EXOSC8: variants seen among roughly 807,000 people sequenced by gnomAD.
EXOSC8 encodes exosome complex component RRP43.
A neutral mutation model predicts 39.9 loss-of-function variants in EXOSC8; 37 were observed. That is an observed-to-expected ratio of 0.93 (90% CI 0.71 to 1.22). The LOEUF is 1.22. Among genes scored for constraint, EXOSC8 ranks in the 50% most tolerant of loss-of-function variants. The probability of loss-of-function intolerance (pLI) is 0.00; values close to 1 mark genes in which losing one functional copy is unlikely to be tolerated. For synonymous variants in EXOSC8, 93 were observed against 109.5 expected (o/e 0.85, Z 0.94); for missense variants, 313 against 326.6 (o/e 0.96, Z 0.32).
chr13:37,009,560 C>T lies in EXOSC8; in HGVS notation c.*261C>T, dbSNP rs918297140. The T allele has an allele frequency of 5.6e-6, 7 of 1,249,846 alleles. No individual in the cohort carries two copies. The highest frequency in any genetic ancestry group is 3.0e-5 in the African/African-American group (2 of 67,128). 77.4% of individuals were successfully genotyped at this position (1,249,846 alleles called of 1,614,324 possible). A position where few individuals can be genotyped will look rare whatever the true frequency, so the allele number is the denominator to read the frequency against. On this transcript the variant is annotated 3_prime_UTR_variant, in exon 11 of 11. Coordinates refer to ENST00000389704, the MANE Select transcript of EXOSC8 (RefSeq NM_181503.3). ...GTTGTGCTTCTGTATAAAGTTTGTA[C>T]ATCTAGCAATGTAAAATACTGACAC...
Position 37,005,989 on chromosome 13 carries a change from A to G in EXOSC8, c.308A>G (p.Gln103Arg). 1.2e-6 allele frequency: 2 copies of G among 1,611,978 alleles called. No individual in the cohort carries two copies. Among genetic ancestry groups the G allele is most frequent in the South Asian group, 1.1e-5 (1 of 91,008 alleles). ...TCTGGACCTCCTGGAGAAGAGGCCC[A>G]AGTGGCTAGCCAGTTCATTGCAGAT... ...FRSGPPGEEAQVASQFIADVI... is the reference protein window; with the variant it reads ...FRSGPPGEEARVASQFIADVI... Residue 103 changes from glutamine to arginine, a missense_variant, in exon 6 of 11, where the codon CAA becomes CGA. Gln to Arg is a conservative substitution (Grantham distance 43, BLOSUM62 1). Transcript: ENST00000389704.
At position 37,008,100 on chromosome 13, in the gene EXOSC8, A is replaced by G. The variant is rs762463961; in HGVS notation, c.531A>G (p.Ala177=). 9 of 1,597,094 alleles carry G rather than the reference A, an allele frequency of 5.6e-6. No homozygotes were observed. In the African/African-American group the frequency reaches 1.2e-4, roughly 22 times the overall value. Residue 177 remains alanine (A), a synonymous_variant, in exon 9 of 11, where the codon GCA becomes GCG. Coordinates refer to ENST00000389704, the MANE Select transcript of EXOSC8 (RefSeq NM_181503.3). The stretch of plus-strand genomic sequence containing the variant: ...CTATAAATGAAGAAACTGCTTTAGC[A>G]GAAGTTAATTTAAAGAAGAAAAGTT... ...EVTINEETAL[A]EVNLKKKSYL... is the part of the protein sequence containing the mutation.
Position 37,009,238 on chromosome 13 carries a change from C to T in EXOSC8, c.770C>T (p.Thr257Ile), listed in dbSNP as rs1426839436. The T allele has an allele frequency of 1.2e-6, 2 of 1,613,534 alleles. No individual in the cohort carries two copies. Among genetic ancestry groups the T allele is most frequent in the East Asian group, 2.2e-5 (1 of 44,844 alleles). ...CAGGACTGTATGAGCCGAGCAGTTA[C>T]AAGACACAAAGAAGTTAAAAAACTG... ...KLQDCMSRAV[T>I]RHKEVKKLMD... Residue 257 changes from threonine to isoleucine, a missense_variant, in exon 11 of 11, where the codon ACA becomes ATA. By Grantham distance (89) the Thr-to-Ile change is moderately conservative (BLOSUM62 -1). Transcript: ENST00000389704.
intron 8 of EXOSC8, among the ~76,000 whole-genome samples, chr13:37,007,790 C>T (rs949625840): frequency 1.3e-5 from 2 of 151,814 alleles, no homozygotes; most frequent in Non-Finnish European, 2.9e-5. Context: ...ATGCTTAAAA[C>T]AGTACCTGGC....
At chr13:37,006,222 G>A in intron 7 of EXOSC8, 62 bp downstream of exon 7, 3 of 1,133,676 alleles carry the variant, frequency 2.6e-6, no homozygotes, top group South Asian at 2.8e-5. Flanking sequence ...TTTTTGTGGG[G>A]GAAAGTGAAC....
Position 37,009,347 on chromosome 13 carries a change from A to C in EXOSC8, c.*48A>C. 2 of 1,045,686 alleles carry C rather than the reference A, an allele frequency of 1.9e-6. No homozygotes were observed. Among genetic ancestry groups the C allele is most frequent in the South Asian group, 1.3e-5 (1 of 74,818 alleles). The allele number at this position is 1,045,686 out of a possible 1,614,324, so 64.8% of individuals were successfully genotyped here. On this transcript the variant is annotated 3_prime_UTR_variant, in exon 11 of 11. Transcript: ENST00000389704. The stretch of plus-strand genomic sequence containing the variant: ...AGATTTGTAAAAATTGTATTTGTTA[A>C]CACTGTGCACAAACGTTTTATACTA...
chr13:37,008,628 G>T, intron 9 of EXOSC8, 101 bp from the exon 10 acceptor site: 1 of 729,220 alleles, frequency 1.4e-6, no homozygotes, highest in Non-Finnish European at 2.3e-6. Context: ...GATGGCGTGT[G>T]CCTGTTAATT....
intron 7 of EXOSC8, among the ~76,000 whole-genome samples, chr13:37,006,413 C>T (rs973174044): frequency 5.3e-5 from 8 of 151,950 alleles, no homozygotes; most frequent in African/African-American, 1.9e-4. Flanking sequence ...ATTTTTTTCC[C>T]CCTTAACTTT....
intron 4 of EXOSC8, 77 bp from the exon 5 acceptor site, chr13:37,004,439 C>T: frequency 1.0e-6 from 1 of 991,154 alleles, no homozygotes; most frequent in Non-Finnish European, 1.6e-6. Flanking sequence ...ATAGAGCCTT[C>T]CATAACTGAT....
chr13:37,003,027 A>G lies in EXOSC8; in HGVS notation c.192+20A>G, dbSNP rs771212556. On this transcript the variant is annotated intron_variant, in intron 4 of 10. Coordinates refer to ENST00000389704, the MANE Select transcript of EXOSC8 (RefSeq NM_181503.3). ...AAAGCAGTAAGTCTAAATATGTCCTATTGAGATTTGAGTTACAAAGTTAGC... is the reference window on the plus strand; with the variant it reads ...AAAGCAGTAAGTCTAAATATGTCCTGTTGAGATTTGAGTTACAAAGTTAGC... 2.8e-6 allele frequency: 4 copies of G among 1,420,158 alleles called. No homozygotes were observed. The highest frequency in any genetic ancestry group is 2.8e-5 in the African/African-American group (2 of 71,060). 88.0% of individuals were successfully genotyped at this position (1,420,158 alleles called of 1,614,324 possible).
chr13:37,005,480 G>A (rs1009724955), intron 5 of EXOSC8, among the ~76,000 whole-genome samples: 2 of 152,108 alleles, frequency 1.3e-5, no homozygotes, highest in African/African-American at 4.8e-5. Context: ...TAACTATAAT[G>A]TTACAATGTA....
chr13:37,003,092 C>A, intron 4 of EXOSC8, 85 bp downstream of exon 4: 1 of 817,938 alleles, frequency 1.2e-6, no homozygotes, highest in East Asian at 2.6e-5. Flanking sequence ...TAATTCTACT[C>A]TTGATTTGGT....
At chr13:37,005,591 G>C (rs2059132922) in intron 5 of EXOSC8, among the ~76,000 whole-genome samples, 1 of 152,068 alleles carries the variant, frequency 6.6e-6, no homozygotes. Context: ...GTTTAGGCCG[G>C]GCATGGTGGC....
At chr13:37,004,944 G>A (rs938843132) in intron 5 of EXOSC8, among the ~76,000 whole-genome samples, 10 of 151,950 alleles carry the variant, frequency 6.6e-5, no homozygotes, top group Non-Finnish European at 1.2e-4. Context: ...AGGAGACCCC[G>A]TATCTACAAA....
chr13:37,004,018 C>G (rs1045248001), intron 4 of EXOSC8: 2 of 152,380 alleles, frequency 1.3e-5, no homozygotes, highest in African/African-American at 4.8e-5. Context: ...ATTACAGGCG[C>G]CCGCCACCAT....
intron 1 of EXOSC8, 87 bp downstream of exon 1, chr13:37,000,909 A>C: frequency 2.1e-6 from 3 of 1,405,852 alleles, no homozygotes; most frequent in Non-Finnish European, 2.8e-6. Flanking sequence ...TCTCACCTGG[A>C]GGCCGACCCC....
At chr13:37,006,181 A>AT (rs1470597069) in intron 7 of EXOSC8, 21 bp downstream of exon 7, 8 of 1,538,998 alleles carry the variant, frequency 5.2e-6, no homozygotes, top group Non-Finnish European at 7.1e-6. Context: ...TAGAGAAGCT[A>AT]TAAGTTCTTA....
chr13:37,000,898 C>G (rs930748483), intron 1 of EXOSC8, 76 bp downstream of exon 1: 4 of 1,428,950 alleles, frequency 2.8e-6, no homozygotes, highest in Non-Finnish European at 3.7e-6. Flanking sequence ...AGCTGGGATT[C>G]TCTCACCTGG....
Position 37,009,490 on chromosome 13 carries a change from CTA to C in EXOSC8, c.*192_*193del. On this transcript the variant is annotated 3_prime_UTR_variant, in exon 11 of 11. Transcript: ENST00000389704. ...AAGCAATGACTTAGGCAAACCAACC[CTA>C]GTTTGTTAAACCATTTCCCTGTTTT... 1 of 860,808 alleles carries C rather than the reference CTA, an allele frequency of 1.2e-6. No homozygotes were observed. The highest frequency in any genetic ancestry group is 2.6e-5 in the East Asian group (1 of 38,006). The allele number at this position is 860,808 out of a possible 1,614,324, so 53.3% of individuals were successfully genotyped here. A position where few individuals can be genotyped will look rare whatever the true frequency, so the allele number is the denominator to read the frequency against.
Sources: allele counts gnomAD v4.1 joint callset (sites outside exome capture counted in the v4.1 genomes callset), GRCh38; gene constraint gnomAD v4.1.1; transcripts MANE v1.5; gene names NCBI Gene and HGNC (gene_info 2026-07-23, HGNC 2026-07-21).